The following EHBP1 variants were observed in gnomAD, a reference collection of about 807,000 sequenced individuals.
EHBP1 encodes the protein EH domain binding protein 1.
EHBP1 carries 55 observed loss-of-function variants against 144.0 expected under a neutral mutation model. The ratio of observed to expected loss-of-function variants is 0.38; its 90% CI spans 0.31 to 0.48. The LOEUF is 0.48. Among genes scored for constraint, EHBP1 ranks in the 20% least tolerant of loss-of-function variants. EHBP1 has a pLI of 0.98. For synonymous variants in EHBP1, 469 were observed against 472.7 expected, an observed-to-expected ratio of 0.99 and a Z score of 0.10; for missense variants, 1,200 against 1,364.2, an observed-to-expected ratio of 0.88 and a Z score of 1.90.
At chr2:62,975,739 A>G (rs1313304787) in intron 14 of EHBP1, among the ~76,000 whole-genome samples, 1 of 152,010 alleles carries the variant, frequency 6.6e-6, no homozygotes, top group Non-Finnish European at 1.5e-5. Context: ...AAAAGAAAAA[A>G]AAATTTTTTT....
At chr2:62,750,276 C>T (rs759592108) in intron 3 of EHBP1, among the ~76,000 whole-genome samples, 2 of 152,070 alleles carry the variant, frequency 1.3e-5, no homozygotes, top group Non-Finnish European at 2.9e-5. Context: ...TTAGGTTTGT[C>T]GAAGATCTTA....
At chr2:62,944,265 A>G (rs1472957652) in intron 12 of EHBP1, among the ~76,000 whole-genome samples, 1 of 152,206 alleles carries the variant, frequency 6.6e-6, no homozygotes, top group African/African-American at 2.4e-5. Context: ...AAAAATATAT[A>G]AACCTTGGTT....
intron 5 of EHBP1, among the ~76,000 whole-genome samples, chr2:62,782,977 G>T (rs1011987522): frequency 6.6e-6 from 1 of 152,156 alleles, no homozygotes; most frequent in Non-Finnish European, 1.5e-5. Context: ...TTAAAAGCAA[G>T]TTAGTTACTT....
At chr2:62,766,061 T>A (rs1032865697) in intron 4 of EHBP1, among the ~76,000 whole-genome samples, 4 of 152,206 alleles carry the variant, frequency 2.6e-5, no homozygotes, top group Non-Finnish European at 5.9e-5. Context: ...GTTTTTATCC[T>A]ACCTATGTGA....
At position 62,948,508 on chromosome 2, in the gene EHBP1, T is replaced by A; in HGVS notation, c.1662T>A (p.Ser554Arg). The change falls in exon 13 of 23, where the codon AGT (serine) becomes AGA (arginine). Residue 554 changes from serine (S) to arginine (R), a missense_variant. By Grantham distance (110) the Ser-to-Arg change is moderately radical (BLOSUM62 -1). Transcript: ENST00000431489. ...VDQEKFYAEL[S>R]DLKREPELQQ... ...AAGAAAAATTCTATGCAGAGCTTAG[T>A]GATCTGAAGCGGGAGCCTGAACTAC... 6.2e-7 allele frequency: 1 copy of A among 1,614,066 alleles called. No homozygotes were observed. The highest frequency in any genetic ancestry group is 8.5e-7 in the Non-Finnish European group (1 of 1,179,946).
intron 2 of EHBP1, among the ~76,000 whole-genome samples, chr2:62,721,812 A>G (rs2036247719): frequency 6.6e-6 from 1 of 152,014 alleles, no homozygotes; most frequent in Non-Finnish European, 1.5e-5. Flanking sequence ...TTATAAAATA[A>G]CCTTTTGATA....
upstream of EHBP1, among the ~76,000 whole-genome samples, chr2:62,702,093 G>C (rs2034295449): frequency 6.6e-6 from 1 of 152,094 alleles, no homozygotes; most frequent in African/African-American, 2.4e-5. Context: ...TCTCCATTTG[G>C]GGAGTTTCTG....
chr2:63,042,939 T>A (rs2061732741), intron 21 of EHBP1, among the ~76,000 whole-genome samples: 1 of 152,068 alleles, frequency 6.6e-6, no homozygotes, highest in African/African-American at 2.4e-5. Flanking sequence ...AGCAAAATGG[T>A]TTCGAAGTAA....
At chr2:62,898,994 G>T (rs541355937) in intron 10 of EHBP1, among the ~76,000 whole-genome samples, 13 of 152,250 alleles carry the variant, frequency 8.5e-5, no homozygotes, top group Middle Eastern at 6.8e-3. Context: ...GATTGGTCTT[G>T]CCTGTTTAAG....
intron 6 of EHBP1, among the ~76,000 whole-genome samples, chr2:62,830,594 G>A (rs2046760156): frequency 6.6e-6 from 1 of 152,158 alleles, no homozygotes; most frequent in South Asian, 2.1e-4. Context: ...CACTCTGTGA[G>A]TTGTCTGTTT....
At chr2:62,839,281 A>G (rs2047584018) in intron 7 of EHBP1, among the ~76,000 whole-genome samples, 1 of 151,838 alleles carries the variant, frequency 6.6e-6, no homozygotes, top group Non-Finnish European at 1.5e-5. Context: ...GCCTTTGACA[A>G]AATTCAACAA....
At chr2:63,015,590 C>T (rs62179353) in intron 19 of EHBP1, among the ~76,000 whole-genome samples, 10 of 151,922 alleles carry the variant, frequency 6.6e-5, no homozygotes, top group Admixed American at 1.3e-4. Flanking sequence ...CAAGCAATTA[C>T]GTTGCCTCAT....
In EHBP1 at chr2:63,045,178, G is replaced by T. The variant is rs746785186; in HGVS notation, c.3390G>T (p.Lys1130Asn). ...TCAGGGACCTGGACGCGCAGGAGAA[G>T]CAGTGAGTGGGCAGTGGGGTCGGGT... ...ALVRDLDAQE[K>N]QAEEEDEHLE... Residue 1130 changes from lysine to asparagine, a missense_variant and splice_region_variant, in exon 22 of 23, where the codon AAG becomes AAT. Coordinates refer to ENST00000431489, the MANE Select transcript of EHBP1 (RefSeq NM_001142616.3). This position sits in a 1 kb window ranked among gnomAD's most constrained non-coding sequence, Gnocchi z 5.7. 1.9e-6 allele frequency: 3 copies of T among 1,581,762 alleles called. No homozygotes were observed. In the African/African-American group the frequency reaches 4.0e-5, roughly 21 times the overall value.
intron 10 of EHBP1, among the ~76,000 whole-genome samples, chr2:62,885,314 C>A (rs1289079243): frequency 6.6e-6 from 1 of 151,916 alleles, no homozygotes. Context: ...GCTGTGAGCC[C>A]CTCAGTATCA....
chr2:62,951,062 G>A (rs750579026), intron 13 of EHBP1, among the ~76,000 whole-genome samples: 5 of 152,158 alleles, frequency 3.3e-5, no homozygotes, highest in Non-Finnish European at 5.9e-5. Context: ...ATTGATAATG[G>A]CACTTTCTTG....
chr2:62,775,650 A>G (rs2042006469), intron 5 of EHBP1, among the ~76,000 whole-genome samples: 1 of 152,176 alleles, frequency 6.6e-6, no homozygotes, highest in Non-Finnish European at 1.5e-5. Flanking sequence ...AATATATATC[A>G]CTGTAACAAA....
chr2:62,892,069 C>T lies in EHBP1; in HGVS notation c.1185+17537C>T, dbSNP rs367879280. ...GGGACCATTCTTATACCTAAAATGC[C>T]TTGTGAATTCAAGAGAATTTTTTAT... On this transcript the variant is annotated intron_variant, in intron 10 of 22. Coordinates refer to ENST00000431489, the MANE Select transcript of EHBP1 (RefSeq NM_001142616.3). Among the ~76,000 whole-genome samples the T allele has an allele frequency of 2.0e-4, 31 of 152,168 alleles. 1 individual carries two copies. The highest frequency in any genetic ancestry group is 6.3e-4 in the African/African-American group (26 of 41,520).
chr2:62,858,972 CAA>C (rs1437619751), intron 7 of EHBP1, among the ~76,000 whole-genome samples, 195 bp from the exon 8 acceptor site: 1 of 152,088 alleles, frequency 6.6e-6, no homozygotes, highest in Non-Finnish European at 1.5e-5. Flanking sequence ...AATTAATACT[CAA>C]ATGTTTGTTT....
chr2:63,044,848 T>C, intron 21 of EHBP1: 2 of 481,396 alleles, frequency 4.2e-6, no homozygotes, highest in African/African-American at 3.9e-5. Context: ...CCAACACTGC[T>C]GCAGCCATCT....
Sources: allele counts gnomAD v4.1 joint callset (sites outside exome capture counted in the v4.1 genomes callset), GRCh38; gene constraint gnomAD v4.1.1; non-coding constraint Gnocchi (gnomAD v3.1); transcripts MANE v1.5; gene names NCBI Gene and HGNC (gene_info 2026-07-23, HGNC 2026-07-21).